DIAPH1: variants seen among roughly 807,000 people sequenced by gnomAD.
DIAPH1 encodes diaphanous related formin 1.
In DIAPH1, 46 loss-of-function variants were observed where a neutral mutation model predicts 140.7. That is an observed-to-expected ratio of 0.33 (90% CI 0.26 to 0.42). The LOEUF (loss-of-function observed/expected upper bound fraction) is 0.42. DIAPH1 is among the 10% of genes least tolerant of loss of function. The pLI is 1.00. For synonymous variants in DIAPH1, 565 were observed against 551.6 expected (o/e 1.02, Z -0.34); for missense variants, 1,310 against 1,558.7 (o/e 0.84, Z 2.69).
chr5:141,538,978 A>G (rs1396432315), intron 18 of DIAPH1, among the ~76,000 whole-genome samples: 1 of 152,098 alleles, frequency 6.6e-6, no homozygotes, highest in African/African-American at 2.4e-5. Context: ...TACTAGCCTC[A>G]TAAAATGAGA....
chr5:141,575,160 G>C lies in DIAPH1; in HGVS notation c.1462-14C>G, dbSNP rs558029774. 2 of 1,613,912 alleles carry C rather than the reference G, an allele frequency of 1.2e-6. No individual in the cohort carries two copies. Among genetic ancestry groups the C allele is most frequent in the South Asian group, 2.2e-5 (2 of 91,082 alleles). On this transcript the variant is annotated splice_polypyrimidine_tract_variant and intron_variant, in intron 14 of 27. Coordinates refer to ENST00000389054, the MANE Select transcript of DIAPH1 (RefSeq NM_005219.5). ...CTCTGAGTCCAACTAGAGAAAAAAC[G>C]AATCAGGCTCCCAGCAAGCTCTCCA... is the stretch of plus-strand genomic sequence containing the variant.
At chr5:141,531,410 A>G (rs563539104) in intron 19 of DIAPH1, among the ~76,000 whole-genome samples, 33 of 152,134 alleles carry the variant, frequency 2.2e-4, no homozygotes, top group Non-Finnish European at 3.8e-4. Context: ...CCCAGCCTCA[A>G]GCAATCCTCC....
intron 27 of DIAPH1, among the ~76,000 whole-genome samples, chr5:141,520,989 C>T (rs908759127): frequency 6.6e-6 from 1 of 152,196 alleles, no homozygotes; most frequent in African/African-American, 2.4e-5. Flanking sequence ...CAAGCTCCGC[C>T]TCCTGGGTTC....
intron 18 of DIAPH1, among the ~76,000 whole-genome samples, chr5:141,555,820 TTCTAGCTGC>T (rs1215201656): frequency 6.6e-6 from 1 of 152,226 alleles, no homozygotes; most frequent in Non-Finnish European, 1.5e-5. Context: ...GGATCCGTAT[TTCTAGCTGC>T]TGCAATCCTG....
chr5:141,585,033 C>T (rs2099897314), intron 3 of DIAPH1, among the ~76,000 whole-genome samples: 1 of 151,994 alleles, frequency 6.6e-6, no homozygotes, highest in Admixed American at 6.6e-5. Flanking sequence ...TGGCTCACTG[C>T]AACCTCCACC....
At chr5:141,547,425 A>G (rs1454028263) in intron 18 of DIAPH1, among the ~76,000 whole-genome samples, 1 of 152,184 alleles carries the variant, frequency 6.6e-6, no homozygotes, top group Non-Finnish European at 1.5e-5. Context: ...AGATCGCGGC[A>G]CTGCACTCCA....
At position 141,565,256 on chromosome 5, in the gene DIAPH1, T is replaced by C. The variant is rs2099894203; in HGVS notation, c.2482+6172A>G. The C allele has an allele frequency of 6.6e-6, 1 of 152,220 alleles. No individual in the cohort carries two copies. The highest frequency in any genetic ancestry group is 1.9e-4 in the East Asian group (1 of 5,204). The allele number at this position is 152,220 out of a possible 1,614,324, so 9.4% of individuals were successfully genotyped here. A position where few individuals can be genotyped will look rare whatever the true frequency, so the allele number is the denominator to read the frequency against. On this transcript the variant is annotated intron_variant, in intron 18 of 27. Transcript: ENST00000389054. The surrounding 1 kb of genome is among the most constrained non-coding windows in gnomAD (Gnocchi z 4.3). ...AATTATATTAAAAAAGAAGTGTGTATACCTTCATGTTTCTGTAATTTTATT... is the reference window on the plus strand; with the variant it reads ...AATTATATTAAAAAAGAAGTGTGTACACCTTCATGTTTCTGTAATTTTATT...
chr5:141,583,003 G>A (rs2099897007), intron 6 of DIAPH1, among the ~76,000 whole-genome samples: 1 of 152,188 alleles, frequency 6.6e-6, no homozygotes, highest in Non-Finnish European at 1.5e-5. Context: ...TATCCAACAT[G>A]AAATTTAAGT....
intron 18 of DIAPH1, among the ~76,000 whole-genome samples, chr5:141,545,408 T>C (rs2099890642): frequency 6.6e-6 from 1 of 152,144 alleles, no homozygotes; most frequent in South Asian, 2.1e-4. Flanking sequence ...TCCCAGCACT[T>C]TGGAAGGACA....
chr5:141,545,296 C>T (rs2099890616), intron 18 of DIAPH1, among the ~76,000 whole-genome samples: 1 of 152,100 alleles, frequency 6.6e-6, no homozygotes, highest in African/African-American at 2.4e-5. Context: ...TCTCAGCAAA[C>T]CTGACTAAAC....
At chr5:141,600,493 A>C (rs1308271769) in intron 1 of DIAPH1, among the ~76,000 whole-genome samples, 2 of 152,226 alleles carry the variant, frequency 1.3e-5, no homozygotes, top group South Asian at 2.1e-4. Context: ...CATTAAGCAA[A>C]CTGCTGAACT....
chr5:141,556,203 TC>T (rs955002829), intron 18 of DIAPH1, among the ~76,000 whole-genome samples: 3 of 151,556 alleles, frequency 2.0e-5, no homozygotes, highest in South Asian at 2.1e-4. Context: ...TTTCACCACA[TC>T]CCCCCCGGCC....
chr5:141,536,564 A>G (rs2154595190), intron 18 of DIAPH1, among the ~76,000 whole-genome samples: 2 of 152,268 alleles, frequency 1.3e-5, no homozygotes, highest in South Asian at 4.1e-4. Flanking sequence ...TGTGAAAAGA[A>G]AAACAGGGAA....
At chr5:141,581,381 T>C (rs1040945774) in intron 7 of DIAPH1, among the ~76,000 whole-genome samples, 13 of 152,246 alleles carry the variant, frequency 8.5e-5, no homozygotes, top group Non-Finnish European at 1.5e-4. Flanking sequence ...ATATCTAATT[T>C]TGTGGTACAC....
intron 18 of DIAPH1, among the ~76,000 whole-genome samples, chr5:141,567,198 T>C (rs919765265): frequency 6.6e-6 from 1 of 151,910 alleles, no homozygotes; most frequent in Non-Finnish European, 1.5e-5. Context: ...TAATATTAGA[T>C]CCAGTGGATT....
chr5:141,534,251 C>T, intron 19 of DIAPH1, 84 bp downstream of exon 19: 1 of 1,089,416 alleles, frequency 9.2e-7, no homozygotes, highest in Non-Finnish European at 1.4e-6. Flanking sequence ...AGTTCCATAT[C>T]AAGGGACCAT....
intron 1 of DIAPH1, among the ~76,000 whole-genome samples, chr5:141,609,185 A>C (rs1192067670): frequency 1.3e-5 from 2 of 152,004 alleles, no homozygotes; most frequent in Non-Finnish European, 2.9e-5. Flanking sequence ...AAAAAAAAAA[A>C]AACAGGCATT....
intron 18 of DIAPH1, among the ~76,000 whole-genome samples, chr5:141,556,486 C>T (rs1411464481): frequency 6.6e-6 from 1 of 152,168 alleles, no homozygotes; most frequent in Non-Finnish European, 1.5e-5. Context: ...AAACTTTTCT[C>T]AAGACTTTGG....
At chr5:141,539,697 G>A (rs2099889665) in intron 18 of DIAPH1, among the ~76,000 whole-genome samples, 2 of 151,960 alleles carry the variant, frequency 1.3e-5, no homozygotes, top group Admixed American at 1.3e-4. Flanking sequence ...CATTTCATCT[G>A]GGTTATCTAA....
Sources: allele counts gnomAD v4.1 joint callset (sites outside exome capture counted in the v4.1 genomes callset), GRCh38; gene constraint gnomAD v4.1.1; non-coding constraint Gnocchi (gnomAD v3.1); transcripts MANE v1.5; gene names NCBI Gene and HGNC (gene_info 2026-07-23, HGNC 2026-07-21).